Variants in NCS1 observed in about 807,000 individuals in gnomAD.
NCS1 encodes the protein neuronal calcium sensor 1.
Under a neutral mutation model 28.4 loss-of-function variants are expected in NCS1, and 6 were observed. The observed-to-expected ratio is 0.21, with a 90% CI of 0.12 to 0.42. The LOEUF (loss-of-function observed/expected upper bound fraction) is 0.42. NCS1 is among the 10% of genes least tolerant of loss of function. NCS1 has a pLI of 1.00. For synonymous variants in NCS1, 86 were observed against 99.3 expected (o/e 0.87, Z 0.79); for missense variants, 131 against 241.4 (o/e 0.54, Z 3.03).
At chr9:130,208,980 A>G (rs369960955) in intron 2 of NCS1, among the ~76,000 whole-genome samples, 140 of 152,130 alleles carry the variant, frequency 9.2e-4, no homozygotes, top group South Asian at 3.9e-3. Flanking sequence ...GCTCTGGGAA[A>G]CCTGTAAAAC....
intron 1 of NCS1, among the ~76,000 whole-genome samples, chr9:130,189,009 G>A (rs2131124760): frequency 6.6e-6 from 1 of 152,350 alleles, no homozygotes; most frequent in South Asian, 2.1e-4. Context: ...GAGCCACTGG[G>A]CCCAGCTGAG....
rs1832499525 is a variant in NCS1, at chr9:130,172,722, C to G, written c.59C>G (p.Thr20Ser). 1 of 1,513,384 alleles carries G rather than the reference C, an allele frequency of 6.6e-7. No individual in the cohort carries two copies. 93.7% of individuals were successfully genotyped at this position (1,513,384 alleles called of 1,614,324 possible). A position where few individuals can be genotyped will look rare whatever the true frequency, so the allele number is the denominator to read the frequency against. ...GTTGTGGAGGAGCTGACCAGGAAGACCTACTGTGAGTGCTCCCAGCCCCCA... is the reference window on the plus strand; with the variant it reads ...GTTGTGGAGGAGCTGACCAGGAAGAGCTACTGTGAGTGCTCCCAGCCCCCA... ...PEVVEELTRK[T>S]YFTEKEVQQW... The change falls in exon 1 of 8, where the codon ACC (threonine) becomes AGC (serine). Residue 20 changes from threonine to serine, a missense_variant. By Grantham distance (58) the Thr-to-Ser change is moderately conservative. Around this residue, in one of 2 missense-constraint regions of NCS1, gnomAD observed 31 missense variants for 31.1 expected, o/e 1.00. Coordinates refer to ENST00000372398, the MANE Select transcript of NCS1 (RefSeq NM_014286.4).
intron 2 of NCS1, among the ~76,000 whole-genome samples, chr9:130,213,100 G>A (rs957143112): frequency 5.9e-5 from 9 of 152,212 alleles, no homozygotes; most frequent in South Asian, 4.1e-4. Context: ...CACGGGGGCG[G>A]TGCAGCCTGG....
chr9:130,222,980 C>A, intron 5 of NCS1, 102 bp from the exon 6 acceptor site: 2 of 193,974 alleles, frequency 1.0e-5, no homozygotes, highest in Non-Finnish European at 8.6e-6. Flanking sequence ...AAGAGGGGGG[C>A]GGCCCTCATC....
intron 4 of NCS1, 76 bp from the exon 5 acceptor site, chr9:130,222,574 A>G: frequency 8.1e-7 from 1 of 1,232,922 alleles, no homozygotes. Context: ...GTTGGGGTAC[A>G]GAGAGGAGGG....
At chr9:130,176,642 G>T (rs1308674240) in intron 1 of NCS1, among the ~76,000 whole-genome samples, 1 of 152,208 alleles carries the variant, frequency 6.6e-6, no homozygotes. Context: ...ATCTATGACT[G>T]CTGTGCCTGA....
In NCS1 at chr9:130,219,293, G is replaced by A. The variant is rs1277298697; in HGVS notation, c.229-432G>A. 1.3e-5 allele frequency among the ~76,000 whole-genome samples: 2 copies of A among 152,058 alleles called. No homozygotes were observed. The highest frequency in any genetic ancestry group is 2.9e-5 in the Non-Finnish European group (2 of 68,006). ...AAGGGCTCTTCCCTTCTTGGGCCTC[G>A]GTTTCTTCATTTGCAAATAAGAGGT... On this transcript the variant is annotated intron_variant, in intron 3 of 7. Transcript: ENST00000372398. The surrounding 1 kb of genome is among the most constrained non-coding windows in gnomAD (Gnocchi z 5.7).
chr9:130,176,876 C>A (rs1367129164), intron 1 of NCS1, among the ~76,000 whole-genome samples: 2 of 152,228 alleles, frequency 1.3e-5, no homozygotes, highest in Non-Finnish European at 2.9e-5. Flanking sequence ...GAGCTGCATC[C>A]CCTTAAAGGC....
rs1401274381 is a variant in NCS1 at position 130,177,750 on chromosome 9, C to A, written c.64+5023C>A. On this transcript the variant is annotated intron_variant, in intron 1 of 7. Coordinates refer to ENST00000372398, the MANE Select transcript of NCS1 (RefSeq NM_014286.4). The surrounding 1 kb of genome is among the most constrained non-coding windows in gnomAD (Gnocchi z 4.4). ...CAGCTTGCTCATCCTTCAGACCTGCCTTCCAACTCCATGGATCTAAACAGG... is the reference window on the plus strand; with the variant it reads ...CAGCTTGCTCATCCTTCAGACCTGCATTCCAACTCCATGGATCTAAACAGG... 6.6e-6 allele frequency among the ~76,000 whole-genome samples: 1 copy of A among 152,246 alleles called. No individual in the cohort carries two copies. Among genetic ancestry groups the A allele is most frequent in the Non-Finnish European group, 1.5e-5 (1 of 68,032 alleles).
chr9:130,199,359 C>G (rs1832913921), intron 1 of NCS1, among the ~76,000 whole-genome samples: 1 of 152,210 alleles, frequency 6.6e-6, no homozygotes, highest in Non-Finnish European at 1.5e-5. Flanking sequence ...TCCCAAAGTG[C>G]TGGGATTACA....
intron 7 of NCS1, among the ~76,000 whole-genome samples, chr9:130,227,509 G>A (rs1317375451): frequency 2.0e-5 from 3 of 152,186 alleles, no homozygotes; most frequent in African/African-American, 7.2e-5. Context: ...CTGTTTTGCG[G>A]TCCCACTAGT....
rs1385922308 is a variant in NCS1 at position 130,236,535 on chromosome 9, G to C, written c.*3563G>C. The stretch of plus-strand genomic sequence containing the variant: ...TAACTTAAGGGCACTGTGATGGGAA[G>C]CCTTGCCCCCCTCTTTTTTTTTTTT... On this transcript the variant is annotated 3_prime_UTR_variant, in exon 8 of 8. Transcript: ENST00000372398. 2.3e-5 allele frequency: 3 copies of C among 131,580 alleles called. No individual in the cohort carries two copies. The highest frequency in any genetic ancestry group is 4.7e-5 in the Non-Finnish European group (3 of 63,508). The allele number at this position is 131,580 out of a possible 1,614,324, so 8.2% of individuals were successfully genotyped here.
At chr9:130,204,152 C>T (rs1279068164) in intron 2 of NCS1, among the ~76,000 whole-genome samples, 2 of 152,082 alleles carry the variant, frequency 1.3e-5, no homozygotes, top group African/African-American at 4.8e-5. Flanking sequence ...ACCACCATGC[C>T]TGGCTAATAT....
In NCS1 at chr9:130,233,288, C is replaced by G. The variant is rs1168473614; in HGVS notation, c.*316C>G. ...AGGCAGCCTCCGTTCCTCCCGCTCT[C>G]TTGCGCGTGTGCTTTTGTTTTTTAT... On this transcript the variant is annotated 3_prime_UTR_variant, in exon 8 of 8. Transcript: ENST00000372398. This position sits in a 1 kb window ranked among gnomAD's most constrained non-coding sequence, Gnocchi z 4.8. 1 of 152,222 alleles carries G rather than the reference C, an allele frequency of 6.6e-6. No individual in the cohort carries two copies. Among genetic ancestry groups the G allele is most frequent in the African/African-American group, 2.4e-5 (1 of 41,446 alleles). The allele number at this position is 152,222 out of a possible 1,614,324, so 9.4% of individuals were successfully genotyped here. A position where few individuals can be genotyped will look rare whatever the true frequency, so the allele number is the denominator to read the frequency against.
chr9:130,194,617 A>G (rs1429523668), intron 1 of NCS1, among the ~76,000 whole-genome samples: 1 of 152,120 alleles, frequency 6.6e-6, no homozygotes. Flanking sequence ...ACCCCATCCT[A>G]CAGGTGAGGA....
chr9:130,179,575 T>G (rs2131115847), intron 1 of NCS1, among the ~76,000 whole-genome samples: 1 of 152,322 alleles, frequency 6.6e-6, no homozygotes, highest in African/African-American at 2.4e-5. Flanking sequence ...GAAAGGCTTT[T>G]GATTAAAAAT....
Position 130,172,653 on chromosome 9 carries a change from G to A in NCS1, c.-11G>A, listed in dbSNP as rs782679062. The A allele has an allele frequency of 4.1e-6, 6 of 1,452,664 alleles. No individual in the cohort carries two copies. In the South Asian group the frequency reaches 5.1e-5, roughly 12 times the overall value. 90.0% of individuals were successfully genotyped at this position (1,452,664 alleles called of 1,614,324 possible). On this transcript the variant is annotated 5_prime_UTR_variant, in exon 1 of 8. Coordinates refer to ENST00000372398, the MANE Select transcript of NCS1 (RefSeq NM_014286.4). ...TCCGGCCCGGGGGGGCGGGGGCCGC[G>A]GCCGCCGAGGATGGGGAAATCCAAC...
At chr9:130,200,440 AGAGG>A in intron 1 of NCS1, 1 of 787,088 alleles carries the variant, frequency 1.3e-6, no homozygotes, top group Non-Finnish European at 2.1e-6. Context: ...CTGACCACAG[AGAGG>A]GGCTGCAGGG....
rs1487169804 is a variant in NCS1 at position 130,180,237 on chromosome 9, T to C, written c.64+7510T>C. On this transcript the variant is annotated intron_variant, in intron 1 of 7. Transcript: ENST00000372398. The surrounding 1 kb of genome is among the most constrained non-coding windows in gnomAD (Gnocchi z 4.5). ...TTAGTGGAGATGGGGTCTTGCCATT[T>C]TGGCCAGGTTGGTCTCAAACTCCTA... Among the ~76,000 whole-genome samples, 1 of 152,156 alleles carries C rather than the reference T, an allele frequency of 6.6e-6. No individual in the cohort carries two copies. Among genetic ancestry groups the C allele is most frequent in the Non-Finnish European group, 1.5e-5 (1 of 68,028 alleles).
Sources: gnomAD v4.1 joint callset for allele counts (sites outside exome capture counted in the v4.1 genomes callset) on GRCh38, gnomAD v4.1.1 for gene constraint, gnomAD v4.1.1 regional missense constraint, Gnocchi (gnomAD v3.1) non-coding constraint, MANE v1.5 for transcripts, NCBI Gene and HGNC (gene_info 2026-07-23, HGNC 2026-07-21) for gene names.